WDFY4: variants seen among roughly 807,000 people sequenced by gnomAD.
WDFY4 encodes the protein WDFY family member 4.
WDFY4 carries 169 observed loss-of-function variants against 351.9 expected under a neutral mutation model. The ratio of observed to expected loss-of-function variants is 0.48; its 90% CI spans 0.42 to 0.55. The LOEUF (loss-of-function observed/expected upper bound fraction) is 0.55. Among genes scored for constraint, WDFY4 ranks in the 20% least tolerant of loss-of-function variants. The pLI is 0.00. For missense variants in WDFY4, 3,803 were observed against 3,935.6 expected, an observed-to-expected ratio of 0.97 and a Z score of 0.90; for synonymous variants, 1,622 against 1,574.6, an observed-to-expected ratio of 1.03 and a Z score of -0.71.
Position 48,968,718 on chromosome 10 carries a change from C to T in WDFY4, c.8585-346C>T, listed in dbSNP as rs545263382. 4.9e-5 allele frequency: 14 copies of T among 284,056 alleles called. No homozygotes were observed. In the East Asian group the frequency reaches 9.1e-4, roughly 18 times the overall value. 17.6% of individuals were successfully genotyped at this position (284,056 alleles called of 1,614,324 possible). A position where few individuals can be genotyped will look rare whatever the true frequency, so the allele number is the denominator to read the frequency against. On this transcript the variant is annotated intron_variant, in intron 55 of 61. Coordinates refer to ENST00000325239, the MANE Select transcript of WDFY4 (RefSeq NM_001394531.1). The stretch of plus-strand genomic sequence containing the variant: ...AGATGGAATGACTTCACCAGCATAA[C>T]CAGACTTGGAATGAGGTCTGGGCAG...
chr10:48,815,256 G>A (rs1211421900), intron 31 of WDFY4, among the ~76,000 whole-genome samples: 3 of 152,180 alleles, frequency 2.0e-5, no homozygotes, highest in Admixed American at 6.5e-5. Context: ...CCAAACTGAT[G>A]ATGGCTTCAT....
chr10:48,806,426 A>T (rs551106038), intron 27 of WDFY4, among the ~76,000 whole-genome samples: 17 of 152,086 alleles, frequency 1.1e-4, no homozygotes, highest in African/African-American at 3.6e-4. Flanking sequence ...ATGAGCCCCA[A>T]CTCCAGCAGT....
At chr10:48,937,192 C>T (rs1564510576) in intron 47 of WDFY4, among the ~76,000 whole-genome samples, 1 of 152,142 alleles carries the variant, frequency 6.6e-6, no homozygotes, top group Non-Finnish European at 1.5e-5. Flanking sequence ...CTGTGCCAGC[C>T]AACTTTCAGA....
chr10:48,789,828 T>C (rs1252482876), intron 21 of WDFY4, 46 bp from the exon 22 acceptor site: 2 of 1,542,288 alleles, frequency 1.3e-6, no homozygotes, highest in East Asian at 2.4e-5. Context: ...CAATGCTTCT[T>C]CTTTTGCAGG....
At position 48,875,183 on chromosome 10, in the gene WDFY4, T is replaced by C; in HGVS notation, c.7000+43T>C. ...TTTTTCCTTTAATAGTTAAGCTAAT[T>C]ATTGGTTTTATTTAATATTTTATTA... On this transcript the variant is annotated intron_variant, in intron 42 of 61. Transcript: ENST00000325239. The C allele has an allele frequency of 3.6e-6, 4 of 1,111,390 alleles. No homozygotes were observed. In the South Asian group the frequency reaches 9.7e-5, roughly 27 times the overall value. The allele number at this position is 1,111,390 out of a possible 1,614,324, so 68.8% of individuals were successfully genotyped here. A position where few individuals can be genotyped will look rare whatever the true frequency, so the allele number is the denominator to read the frequency against.
intron 1 of WDFY4, among the ~76,000 whole-genome samples, chr10:48,702,035 A>T (rs1441089182): frequency 6.6e-6 from 1 of 152,226 alleles, no homozygotes; most frequent in Non-Finnish European, 1.5e-5. Flanking sequence ...ACTGAAATAC[A>T]ATTTACATAA....
intron 47 of WDFY4, among the ~76,000 whole-genome samples, chr10:48,908,527 C>T (rs1234641719): frequency 2.0e-5 from 3 of 152,062 alleles, no homozygotes; most frequent in South Asian, 2.1e-4. Context: ...TAGGCTGACT[C>T]GGTGTTTTAG....
At chr10:48,744,602 A>T (rs2064954017) in intron 12 of WDFY4, among the ~76,000 whole-genome samples, 1 of 152,238 alleles carries the variant, frequency 6.6e-6, no homozygotes, top group South Asian at 2.1e-4. Context: ...CTAGCATCAT[A>T]GCATGAGTTG....
intron 28 of WDFY4, among the ~76,000 whole-genome samples, chr10:48,809,319 TCACCATCACCCTCAC>T (rs2067365967): frequency 1.3e-5 from 2 of 148,634 alleles, no homozygotes; most frequent in East Asian, 2.0e-4. Flanking sequence ...ATCACCATCA[TCACCATCACCCTCAC>T]CACCATCACC....
At chr10:48,758,822 A>G (rs1421691570) in intron 12 of WDFY4, among the ~76,000 whole-genome samples, 1 of 152,038 alleles carries the variant, frequency 6.6e-6, no homozygotes, top group African/African-American at 2.4e-5. Context: ...TACTTCTTGG[A>G]ATTGGGTTAA....
chr10:48,830,623 A>G, intron 37 of WDFY4, 77 bp from the exon 38 acceptor site: 2 of 1,474,640 alleles, frequency 1.4e-6, no homozygotes, highest in Non-Finnish European at 1.8e-6. Flanking sequence ...AAAACCACTC[A>G]TGATGCACCA....
chr10:48,784,954 T>C (rs2066355118), intron 19 of WDFY4, among the ~76,000 whole-genome samples: 1 of 149,142 alleles, frequency 6.7e-6, no homozygotes, highest in Non-Finnish European at 1.5e-5. Flanking sequence ...GCCTCCTGGG[T>C]TCGCGCCATT....
chr10:48,714,235 G>A (rs932045308), intron 2 of WDFY4, among the ~76,000 whole-genome samples: 2 of 152,196 alleles, frequency 1.3e-5, no homozygotes, highest in African/African-American at 4.8e-5. Context: ...CAGTGCTGGG[G>A]TTTCTAGGAT....
Position 48,974,999 on chromosome 10 carries a change from C to A in WDFY4, c.9066C>A (p.Ala3022=), listed in dbSNP as rs1174083622. ...TCACCCACGTGACCCGCCTGCCCGC[C>A]CATCGGGAAGGCATCTCAGCCATCA... ...DHLTHVTRLP[A]HREGISAITI... The change falls in exon 58 of 62, where the codon GCC becomes GCA. Residue 3022 remains alanine (A), a synonymous_variant. Coordinates refer to ENST00000325239, the MANE Select transcript of WDFY4 (RefSeq NM_001394531.1). The A allele has an allele frequency of 3.9e-6, 6 of 1,551,566 alleles. No homozygotes were observed. The highest frequency in any genetic ancestry group is 3.9e-5 in the Admixed American group (2 of 50,988).
At chr10:48,798,316 A>G (rs1437228406) in intron 24 of WDFY4, among the ~76,000 whole-genome samples, 1 of 152,156 alleles carries the variant, frequency 6.6e-6, no homozygotes, top group African/African-American at 2.4e-5. Context: ...AATTAATAAA[A>G]TAGGAAAAAA....
chr10:48,748,129 T>C (rs1417899251), intron 12 of WDFY4, among the ~76,000 whole-genome samples: 1 of 152,216 alleles, frequency 6.6e-6, no homozygotes, highest in Non-Finnish European at 1.5e-5. Flanking sequence ...CAGGTTAACT[T>C]AGGATCTTGG....
chr10:48,913,507 C>T (rs774471606), intron 47 of WDFY4: 30 of 1,613,744 alleles, frequency 1.9e-5, no homozygotes, highest in African/African-American at 6.7e-5. Context: ...TTGTCCCGGG[C>T]GTTTTGGCAT....
intron 39 of WDFY4, among the ~76,000 whole-genome samples, chr10:48,853,005 T>G (rs1254164905): frequency 6.6e-6 from 1 of 152,194 alleles, no homozygotes; most frequent in Non-Finnish European, 1.5e-5. Context: ...GAAGACCAAT[T>G]TCTACAGCCA....
rs1410745341 is a variant in WDFY4, at chr10:48,731,287, T to C, written c.1307T>C (p.Ile436Thr). Residue 436 changes from isoleucine (I) to threonine (T), a missense_variant, in exon 9 of 62, where the codon ATC (isoleucine) becomes ACC (threonine). This residue lies in a region of WDFY4 where 261 missense variants were observed against 330.2 expected (regional missense o/e 0.79). Coordinates refer to ENST00000325239, the MANE Select transcript of WDFY4 (RefSeq NM_001394531.1). ...TLQPISQFVE[I>T]MPLKPAPVQE... ...CAGCCCATCTCGCAGTTTGTAGAGA[T>C]CATGCCCCTGAAGCCGGCCCCAGTG... is the stretch of plus-strand genomic sequence containing the variant. 6.4e-7 allele frequency: 1 copy of C among 1,551,846 alleles called. No individual in the cohort carries two copies. Among genetic ancestry groups the C allele is most frequent in the African/African-American group, 1.4e-5 (1 of 73,050 alleles).
Sources: allele counts gnomAD v4.1 joint callset (sites outside exome capture counted in the v4.1 genomes callset), GRCh38; gene constraint gnomAD v4.1.1; regional missense constraint gnomAD v4.1.1; transcripts MANE v1.5; gene names NCBI Gene and HGNC (gene_info 2026-07-23, HGNC 2026-07-21).